The following DAPK1 variants were observed in gnomAD, a reference collection of about 807,000 sequenced individuals.
DAPK1 encodes death-associated protein kinase 1.
A neutral mutation model predicts 144.9 loss-of-function variants in DAPK1; 56 were observed. The ratio of observed to expected loss-of-function variants is 0.39; its 90% confidence interval spans 0.31 to 0.48. The LOEUF (loss-of-function observed/expected upper bound fraction) is 0.48, where lower values mean the gene tolerates loss of function less well. DAPK1 is among the 20% of genes least tolerant of loss of function. DAPK1 has a pLI of 0.95. For missense variants in DAPK1, 1,454 were observed against 1,875.4 expected, an observed-to-expected ratio of 0.78 and a Z score of 4.15; for synonymous variants, 690 against 749.0, an observed-to-expected ratio of 0.92 and a Z score of 1.29.
At chr9:87,498,547 C>T in intron 1 of DAPK1, 1 of 250,370 alleles carries the variant, frequency 4.0e-6, no homozygotes, top group Non-Finnish European at 7.5e-6. Context: ...CGCGGGGGTG[C>T]CACCGTTGCC....
chr9:87,673,958 C>T (rs1358346968), intron 19 of DAPK1, among the ~76,000 whole-genome samples: 1 of 152,168 alleles, frequency 6.6e-6, no homozygotes, highest in African/African-American at 2.4e-5. Context: ...CCCTGGGCAG[C>T]TGTCCAAACC....
chr9:87,647,599 CT>C (rs1270964182), intron 14 of DAPK1, among the ~76,000 whole-genome samples, 196 bp downstream of exon 14: 1 of 152,236 alleles, frequency 6.6e-6, no homozygotes, highest in African/African-American at 2.4e-5. Flanking sequence ...AAGTCAAAAT[CT>C]TTCAGGTAGT....
intron 19 of DAPK1, among the ~76,000 whole-genome samples, chr9:87,669,172 T>G (rs1402442264): frequency 6.6e-6 from 1 of 152,210 alleles, no homozygotes; most frequent in African/African-American, 2.4e-5. Flanking sequence ...GAACTCTGTT[T>G]TATGCTTAAA....
chr9:87,605,276 C>T (rs1564018961), intron 3 of DAPK1, 101 bp downstream of exon 3: 1 of 956,274 alleles, frequency 1.0e-6, no homozygotes, highest in South Asian at 1.5e-5. Flanking sequence ...AGAGAGGGAT[C>T]AGGAATTGGT....
At chr9:87,651,835 C>T (rs964624565) in intron 17 of DAPK1, 111 bp downstream of exon 17, 3 of 809,150 alleles carry the variant, frequency 3.7e-6, no homozygotes, top group South Asian at 1.6e-5. Flanking sequence ...TCTGTGTCCT[C>T]CCACCTGATC....
intron 2 of DAPK1, among the ~76,000 whole-genome samples, chr9:87,540,230 T>C (rs1395806499): frequency 9.9e-5 from 13 of 131,646 alleles, no homozygotes; most frequent in Admixed American, 9.4e-4. Flanking sequence ...CGTTCTGTCA[T>C]CCAGGCTGGA....
chr9:87,520,589 T>C (rs1215184745), intron 2 of DAPK1, among the ~76,000 whole-genome samples: 5 of 152,196 alleles, frequency 3.3e-5, no homozygotes, highest in Non-Finnish European at 7.3e-5. Context: ...GGGGGATGAA[T>C]TAGGATATCG....
At chr9:87,560,663 C>T (rs1362601536) in intron 2 of DAPK1, among the ~76,000 whole-genome samples, 7 of 125,898 alleles carry the variant, frequency 5.6e-5, no homozygotes, top group African/African-American at 1.4e-4. Context: ...TGTGTCAGAA[C>T]GTACTTTTTT....
chr9:87,698,475 T>C, intron 22 of DAPK1, 181 bp from the exon 23 acceptor site: 1 of 580,752 alleles, frequency 1.7e-6, no homozygotes, highest in Non-Finnish European at 3.1e-6. Flanking sequence ...TCGTTGGCCA[T>C]GCTGGGGCCT....
chr9:87,569,656 C>A (rs942675568), intron 2 of DAPK1, among the ~76,000 whole-genome samples: 1 of 152,098 alleles, frequency 6.6e-6, no homozygotes, highest in Non-Finnish European at 1.5e-5. Flanking sequence ...AGAACTGGAT[C>A]CTGTCAGTGT....
intron 2 of DAPK1, among the ~76,000 whole-genome samples, chr9:87,596,682 T>C (rs1383639138): frequency 2.0e-5 from 3 of 152,206 alleles, no homozygotes; most frequent in Non-Finnish European, 4.4e-5. Context: ...GTGAGGCTGC[T>C]TGTGACCTAG....
intron 2 of DAPK1, among the ~76,000 whole-genome samples, chr9:87,547,782 G>A (rs1826314151): frequency 6.6e-6 from 1 of 152,120 alleles, no homozygotes; most frequent in Non-Finnish European, 1.5e-5. Flanking sequence ...AATTCCCTCT[G>A]CAGGCCTTCC....
chr9:87,691,550 G>C (rs1825052982), intron 21 of DAPK1, among the ~76,000 whole-genome samples: 1 of 151,512 alleles, frequency 6.6e-6, no homozygotes, highest in Admixed American at 6.6e-5. Context: ...GCTTGTTTTT[G>C]CTTCTCTAGT....
intron 21 of DAPK1, among the ~76,000 whole-genome samples, chr9:87,687,506 A>G (rs1382141280): frequency 6.6e-6 from 1 of 152,192 alleles, no homozygotes; most frequent in East Asian, 1.9e-4. Flanking sequence ...GTGTTCTGTT[A>G]TGTGTATACC....
intron 2 of DAPK1, among the ~76,000 whole-genome samples, chr9:87,499,967 G>A (rs1824333176): frequency 6.6e-6 from 1 of 152,180 alleles, no homozygotes; most frequent in African/African-American, 2.4e-5. Context: ...TATGGAATTT[G>A]ACTGTGGTGT....
chr9:87,503,919 A>G (rs377400526), intron 2 of DAPK1, among the ~76,000 whole-genome samples: 52 of 152,338 alleles, frequency 3.4e-4, no homozygotes, highest in African/African-American at 1.2e-3. Flanking sequence ...AGTTTAAAAC[A>G]TTCCCCTTTC....
intron 3 of DAPK1, among the ~76,000 whole-genome samples, chr9:87,636,382 G>A (rs554462045): frequency 6.6e-6 from 1 of 152,314 alleles, no homozygotes. Flanking sequence ...GTAAACCAGT[G>A]GGAGGCCCTG....
chr9:87,562,073 T>C (rs111700723), intron 2 of DAPK1, among the ~76,000 whole-genome samples: 2 of 152,282 alleles, frequency 1.3e-5, no homozygotes, highest in African/African-American at 4.8e-5. Context: ...ATCGCTGCCC[T>C]GAGTAATGTG....
At chr9:87,509,382 A>T (rs1033031449) in intron 2 of DAPK1, among the ~76,000 whole-genome samples, 3 of 151,974 alleles carry the variant, frequency 2.0e-5, no homozygotes, top group African/African-American at 7.3e-5. Flanking sequence ...TTTTTTTGAA[A>T]TGGAGTTTTC....
Sources: gnomAD v4.1 joint callset for allele counts (sites outside exome capture counted in the v4.1 genomes callset) on GRCh38, gnomAD v4.1.1 for gene constraint, MANE v1.5 for transcripts, NCBI Gene and HGNC (gene_info 2026-07-23, HGNC 2026-07-21) for gene names.